BRF1: variants seen among roughly 807,000 people sequenced by gnomAD.
The protein encoded by BRF1 is BRF1 general transcription factor IIIB subunit, also known as transcription factor IIIB 90 kDa subunit.
BRF1 carries 59 observed loss-of-function variants against 81.7 expected under a neutral mutation model. The observed-to-expected ratio is 0.72, with a 90% confidence interval of 0.59 to 0.90. The LOEUF (loss-of-function observed/expected upper bound fraction) is 0.90. Ranked by LOEUF, BRF1 falls within the 40% of genes least tolerant of loss-of-function variation. The probability of loss-of-function intolerance (pLI) is 0.00; values close to 1 mark genes in which losing one functional copy is unlikely to be tolerated. For synonymous variants in BRF1, 491 were observed against 395.6 expected (o/e 1.24, Z -2.86); for missense variants, 1,050 against 936.3 (o/e 1.12, Z -1.58).
At chr14:105,267,741 G>A (rs1429830188) in intron 3 of BRF1, among the ~76,000 whole-genome samples, 1 of 152,260 alleles carries the variant, frequency 6.6e-6, no homozygotes, top group Non-Finnish European at 1.5e-5. Context: ...AGCAGAGGGA[G>A]AGGAGCAGGA....
Position 105,300,483 on chromosome 14 carries a change from G to A in BRF1, c.147C>T (p.Gly49=). The A allele has an allele frequency of 6.5e-7, 1 of 1,534,906 alleles. No homozygotes were observed. The change falls in exon 1 of 18, where the codon GGC becomes GGT. Residue 49 remains glycine, a synonymous_variant. Coordinates refer to ENST00000547530, the MANE Select transcript of BRF1 (RefSeq NM_001519.4). ...CGAACTGGCCCACGGCCGAGGAGCC[G>A]CCGCCGCTGCTCTCCACGAACTGCA... The part of the protein sequence containing the change: ...SEVQFVESSG[G]GSSAVGQFVS...
intron 5 of BRF1, chr14:105,249,942 C>G (rs2140291976): frequency 1.2e-6 from 2 of 1,611,858 alleles, no homozygotes; most frequent in East Asian, 4.5e-5. Flanking sequence ...GCCCTCAACA[C>G]CAAAGAGGCG....
At chr14:105,313,681 C>T (rs1200988243) in intron 1 of BRF1, among the ~76,000 whole-genome samples, 1 of 152,226 alleles carries the variant, frequency 6.6e-6, no homozygotes, top group Non-Finnish European at 1.5e-5. Context: ...TTTGCTCGGG[C>T]TGGATTTGTT....
At chr14:105,245,509 A>G (rs1770479434) in intron 5 of BRF1, among the ~76,000 whole-genome samples, 1 of 152,262 alleles carries the variant, frequency 6.6e-6, no homozygotes, top group Non-Finnish European at 1.5e-5. Context: ...CAAGAAAAGA[A>G]TTAAAAAGTC....
At chr14:105,229,091 C>A (rs587682952) in intron 6 of BRF1, among the ~76,000 whole-genome samples, 178 bp from the exon 7 acceptor site, 3 of 151,560 alleles carry the variant, frequency 2.0e-5, no homozygotes, top group South Asian at 2.1e-4. Context: ...ATGACCCTCT[C>A]TATCTTATTG....
intron 1 of BRF1, among the ~76,000 whole-genome samples, chr14:105,289,705 G>A (rs1354917468): frequency 2.6e-5 from 4 of 152,044 alleles, no homozygotes; most frequent in African/African-American, 9.7e-5. Flanking sequence ...GTGCGATCTC[G>A]GCTCACTGCA....
intron 1 of BRF1, among the ~76,000 whole-genome samples, chr14:105,312,009 G>A (rs934022234): frequency 5.9e-5 from 9 of 152,226 alleles, no homozygotes; most frequent in African/African-American, 1.9e-4. Flanking sequence ...GAGTAGGGGC[G>A]CTGTGGGCTG....
chr14:105,218,384 T>C (rs11850453), intron 14 of BRF1, among the ~76,000 whole-genome samples: 44,948 of 151,590 alleles, frequency 0.3, 7,310 homozygotes, highest in African/African-American at 0.42. Context: ...TGGGGTGGAG[T>C]CCCTGGGCTC....
In BRF1 at chr14:105,271,055, G is replaced by A. The variant is rs1024003056; in HGVS notation, c.439+1666C>T. On this transcript the variant is annotated intron_variant, in intron 3 of 17. Coordinates refer to ENST00000547530, the MANE Select transcript of BRF1 (RefSeq NM_001519.4). This position sits in a 1 kb window ranked among gnomAD's most constrained non-coding sequence, Gnocchi z 5.5. ...AGACGGGAGATTATAAAAAAGATTC[G>A]GAAAAGACCCAGAGCTCTTAGAGAT... Among the ~76,000 whole-genome samples, 20 of 152,112 alleles carry A rather than the reference G, an allele frequency of 1.3e-4. No homozygotes were observed. The highest frequency in any genetic ancestry group is 4.6e-4 in the African/African-American group (19 of 41,420).
chr14:105,217,409 C>G, intron 15 of BRF1, 135 bp downstream of exon 15: 2 of 1,383,012 alleles, frequency 1.4e-6, no homozygotes, highest in Non-Finnish European at 2.0e-6. Flanking sequence ...CAGTCCCCAG[C>G]ATGCAGGTGG....
intron 15 of BRF1, among the ~76,000 whole-genome samples, chr14:105,215,919 G>GAC (rs1245060929): frequency 2.2e-5 from 2 of 89,240 alleles, no homozygotes; most frequent in Admixed American, 1.3e-4. Flanking sequence ...TGCATACGCA[G>GAC]ACAGGCACAC....
Position 105,241,578 on chromosome 14 carries a change from G to T in BRF1, c.545-164C>A, listed in dbSNP as rs1033402095. 6 of 924,224 alleles carry T rather than the reference G, an allele frequency of 6.5e-6. No individual in the cohort carries two copies. In the Admixed American group the frequency reaches 7.5e-5, roughly 12 times the overall value. The allele number at this position is 924,224 out of a possible 1,614,324, so 57.3% of individuals were successfully genotyped here. A position where few individuals can be genotyped will look rare whatever the true frequency, so the allele number is the denominator to read the frequency against. On this transcript the variant is annotated intron_variant, in intron 5 of 17. Coordinates refer to ENST00000547530, the MANE Select transcript of BRF1 (RefSeq NM_001519.4). ...ACAAAGCCTCTCTGACCCTCAGCTAGGGCAGCCATCGCACCGAACCCAGGA... is the reference window on the plus strand; with the variant it reads ...ACAAAGCCTCTCTGACCCTCAGCTATGGCAGCCATCGCACCGAACCCAGGA...
intron 5 of BRF1, chr14:105,247,150 C>G: frequency 2.0e-6 from 2 of 985,510 alleles, no homozygotes; most frequent in South Asian, 4.7e-5. Flanking sequence ...GGGTCCCACA[C>G]TATGAAATCG....
chr14:105,226,588 C>T lies in BRF1; in HGVS notation c.915+46G>A, dbSNP rs770898768. The T allele has an allele frequency of 3.1e-6, 5 of 1,609,850 alleles. No homozygotes were observed. The East Asian group carries it at 1.1e-4, about 36-fold the overall frequency. ...CCAGTCGGGGTGTGTGGCTTCCCCC[C>T]AAGGCTGGCAAGCCCAGCACAGACA... On this transcript the variant is annotated intron_variant, in intron 8 of 17. Transcript: ENST00000547530.
intron 15 of BRF1, 161 bp downstream of exon 15, chr14:105,217,383 G>T: frequency 8.8e-7 from 1 of 1,136,632 alleles, no homozygotes; most frequent in Non-Finnish European, 1.2e-6. Context: ...CTGTCAAGGT[G>T]CCGGAGAAGG....
At chr14:105,290,136 C>A (rs1310558214) in intron 1 of BRF1, among the ~76,000 whole-genome samples, 1 of 152,090 alleles carries the variant, frequency 6.6e-6, no homozygotes, top group Non-Finnish European at 1.5e-5. Flanking sequence ...GTATAAAAAG[C>A]CAGCTGGGTG....
intron 6 of BRF1, among the ~76,000 whole-genome samples, chr14:105,229,743 G>T (rs1368143724): frequency 5.5e-5 from 1 of 18,162 alleles, no homozygotes; most frequent in Middle Eastern, 0.017. Flanking sequence ...CCCAGCTGGG[G>T]GCGGGGGACA....
At chr14:105,229,404 A>T (rs11844498) in intron 6 of BRF1, among the ~76,000 whole-genome samples, 11 of 152,158 alleles carry the variant, frequency 7.2e-5, no homozygotes, top group African/African-American at 2.7e-4. Context: ...TGAATCCTGC[A>T]GCGCAGGGAT....
intron 5 of BRF1, chr14:105,250,106 G>T (rs1220424595): frequency 2.5e-6 from 4 of 1,612,866 alleles, no homozygotes; most frequent in Non-Finnish European, 3.4e-6. Context: ...CAACGGCGCT[G>T]CCCAGTCAGA....
Sources: gnomAD v4.1 joint callset for allele counts (sites outside exome capture counted in the v4.1 genomes callset) on GRCh38, gnomAD v4.1.1 for gene constraint, Gnocchi (gnomAD v3.1) non-coding constraint, MANE v1.5 for transcripts, NCBI Gene and HGNC (gene_info 2026-07-23, HGNC 2026-07-21) for gene names.